The following KIF26B variants were observed in gnomAD, a reference collection of about 807,000 sequenced individuals.
KIF26B encodes the protein kinesin family member 26B, also known as kinesin-like protein KIF26B.
KIF26B carries 63 observed loss-of-function variants against 151.2 expected under a neutral mutation model. That is an observed-to-expected ratio of 0.42 (90% CI 0.34 to 0.51). KIF26B has a LOEUF of 0.51. KIF26B is among the 20% of genes least tolerant of loss of function. The pLI, the probability that KIF26B is intolerant of heterozygous loss-of-function variation, is 0.07. For synonymous variants in KIF26B, 1,357 were observed against 1,262.1 expected (o/e 1.08, Z -1.59); for missense variants, 2,813 against 2,913.6 (o/e 0.97, Z 0.79).
At chr1:245,567,066 C>A (rs867271920) in intron 5 of KIF26B, among the ~76,000 whole-genome samples, 1 of 152,232 alleles carries the variant, frequency 6.6e-6, no homozygotes, top group Non-Finnish European at 1.5e-5. Context: ...GAGAGCCCTG[C>A]ACCCCAGCCG....
chr1:245,669,841 G>A (rs1206026951), intron 10 of KIF26B, among the ~76,000 whole-genome samples: 2 of 152,118 alleles, frequency 1.3e-5, no homozygotes, highest in Non-Finnish European at 1.5e-5. Flanking sequence ...CAAAAGAATG[G>A]AAAGCAGGGG....
intron 3 of KIF26B, among the ~76,000 whole-genome samples, chr1:245,413,247 A>G (rs1267526635): frequency 6.6e-6 from 1 of 152,240 alleles, no homozygotes; most frequent in East Asian, 1.9e-4. Flanking sequence ...AGGGTTTTCA[A>G]ACATGTTAGA....
chr1:245,655,474 A>G lies in KIF26B; in HGVS notation c.2258+9194A>G, dbSNP rs542570337. Among the ~76,000 whole-genome samples the G allele has an allele frequency of 8.5e-4, 129 of 152,344 alleles. 5 individuals carry two copies. The South Asian group carries it at 0.026, about 31-fold the overall frequency. ...AAATGAACCCTCATGCATTTATTCAATGAGAGTTTGTGTGCCTAACACACA... is the reference window on the plus strand; with the variant it reads ...AAATGAACCCTCATGCATTTATTCAGTGAGAGTTTGTGTGCCTAACACACA... On this transcript the variant is annotated intron_variant, in intron 10 of 14. Coordinates refer to ENST00000407071, the MANE Select transcript of KIF26B (RefSeq NM_018012.4).
chr1:245,333,840 A>C (rs1053948501), intron 2 of KIF26B, among the ~76,000 whole-genome samples: 1 of 152,140 alleles, frequency 6.6e-6, no homozygotes, highest in Non-Finnish European at 1.5e-5. Context: ...TCTACTAAAA[A>C]TACAAAAATT....
intron 4 of KIF26B, among the ~76,000 whole-genome samples, chr1:245,511,536 C>T (rs1660836889): frequency 6.6e-6 from 1 of 152,188 alleles, no homozygotes; most frequent in African/African-American, 2.4e-5. Flanking sequence ...ATGAAGTTAG[C>T]CTGTGGCTTT....
At chr1:245,309,070 T>C (rs1379992036) in intron 2 of KIF26B, among the ~76,000 whole-genome samples, 1 of 152,202 alleles carries the variant, frequency 6.6e-6, no homozygotes, top group Non-Finnish European at 1.5e-5. Flanking sequence ...TCACCCTTGA[T>C]GGACAATCAG....
intron 2 of KIF26B, among the ~76,000 whole-genome samples, chr1:245,355,890 G>C (rs1672685453): frequency 6.6e-6 from 1 of 152,154 alleles, no homozygotes; most frequent in Non-Finnish European, 1.5e-5. Context: ...CCCTTGAATG[G>C]GAGAGGCAGA....
intron 5 of KIF26B, among the ~76,000 whole-genome samples, chr1:245,570,372 C>T (rs1219098683): frequency 6.6e-6 from 1 of 152,180 alleles, no homozygotes; most frequent in Non-Finnish European, 1.5e-5. Context: ...TCACCAAATT[C>T]TGTTAATTTT....
At chr1:245,376,377 C>A (rs1252248869) in intron 3 of KIF26B, among the ~76,000 whole-genome samples, 1 of 151,886 alleles carries the variant, frequency 6.6e-6, no homozygotes, top group Non-Finnish European at 1.5e-5. Context: ...TGCCTGAAAG[C>A]AGGAATTCTC....
At chr1:245,427,036 T>G (rs1178088922) in intron 4 of KIF26B, among the ~76,000 whole-genome samples, 1 of 152,226 alleles carries the variant, frequency 6.6e-6, no homozygotes, top group Non-Finnish European at 1.5e-5. Context: ...CTGTTCCTGC[T>G]TCTTTTGTTC....
intron 2 of KIF26B, among the ~76,000 whole-genome samples, chr1:245,203,683 T>C (rs1423965239): frequency 6.6e-6 from 1 of 152,218 alleles, no homozygotes; most frequent in Non-Finnish European, 1.5e-5. Context: ...CATGCAGTTT[T>C]TGATGCGCTT....
At chr1:245,523,462 G>A (rs1558199021) in intron 4 of KIF26B, among the ~76,000 whole-genome samples, 1 of 152,010 alleles carries the variant, frequency 6.6e-6, no homozygotes, top group African/African-American at 2.4e-5. Context: ...CCTTTGGGTC[G>A]TTATAACAAA....
intron 2 of KIF26B, among the ~76,000 whole-genome samples, chr1:245,321,417 A>G (rs772863643): frequency 1.3e-5 from 2 of 152,178 alleles, no homozygotes; most frequent in Non-Finnish European, 2.9e-5. Flanking sequence ...TATTCTTGCT[A>G]TTGGTTAGAA....
chr1:245,429,593 G>C (rs145280198), intron 4 of KIF26B, among the ~76,000 whole-genome samples: 150 of 152,220 alleles, frequency 9.9e-4, no homozygotes, highest in African/African-American at 3.5e-3. Context: ...TAAATCTTCT[G>C]AAGAGGTTTC....
intron 2 of KIF26B, among the ~76,000 whole-genome samples, chr1:245,230,767 AG>A: frequency 6.6e-6 from 1 of 152,092 alleles, no homozygotes; most frequent in South Asian, 2.1e-4. Flanking sequence ...AAAGAAAGAA[AG>A]GAAAAAGAAA....
intron 5 of KIF26B, among the ~76,000 whole-genome samples, chr1:245,554,768 C>G (rs1428408421): frequency 6.6e-6 from 1 of 152,190 alleles, no homozygotes; most frequent in Non-Finnish European, 1.5e-5. Context: ...GAAGGCTGCA[C>G]CTGTGTTTCC....
At chr1:245,272,491 ATTG>A (rs145139642) in intron 2 of KIF26B, among the ~76,000 whole-genome samples, 21,272 of 149,958 alleles carry the variant, frequency 0.14, 1,586 homozygotes, top group African/African-American at 0.18. Flanking sequence ...TCTTTTTTCT[ATTG>A]TTTTTATATT....
At chr1:245,275,227 T>C (rs1670918363) in intron 2 of KIF26B, among the ~76,000 whole-genome samples, 1 of 152,202 alleles carries the variant, frequency 6.6e-6, no homozygotes, top group Admixed American at 6.5e-5. Context: ...TTCTGGATAT[T>C]AGTCCTTTGT....
intron 2 of KIF26B, among the ~76,000 whole-genome samples, chr1:245,199,168 G>A (rs1232825221): frequency 1.3e-5 from 2 of 152,042 alleles, no homozygotes; most frequent in African/African-American, 4.8e-5. Context: ...CACTGGTGAG[G>A]AAACCTTTTA....
Sources: gnomAD v4.1 joint callset for allele counts (sites outside exome capture counted in the v4.1 genomes callset) on GRCh38, gnomAD v4.1.1 for gene constraint, MANE v1.5 for transcripts, NCBI Gene and HGNC (gene_info 2026-07-23, HGNC 2026-07-21) for gene names.